The following NPLOC4 variants were observed in gnomAD, a reference collection of about 807,000 sequenced individuals.
The protein encoded by NPLOC4 is NPL4 homolog, ubiquitin recognition factor.
A neutral mutation model predicts 80.6 loss-of-function variants in NPLOC4; 18 were observed. That is an observed-to-expected ratio of 0.22 (90% CI 0.15 to 0.33). The LOEUF is 0.33. Ranked by LOEUF, NPLOC4 falls within the 10% of genes least tolerant of loss-of-function variation. The pLI is 1.00. For missense variants in NPLOC4, 540 were observed against 786.1 expected (o/e 0.69, Z 3.74); for synonymous variants, 313 against 301.5 (o/e 1.04, Z -0.39).
Position 81,558,419 on chromosome 17 carries a change from T to C in NPLOC4, c.*840A>G, listed in dbSNP as rs1246711242. On this transcript the variant is annotated 3_prime_UTR_variant, in exon 17 of 17. Coordinates refer to ENST00000331134, the MANE Select transcript of NPLOC4 (RefSeq NM_017921.4). Reference sequence around the variant, plus strand: ...AGTATCTGCAGTTGCTGCAGCTGTGTGGCTTGGTAGAAAAGTCTCAGGCAC... The same window carrying C: ...AGTATCTGCAGTTGCTGCAGCTGTGCGGCTTGGTAGAAAAGTCTCAGGCAC... 13 of 152,260 alleles carry C rather than the reference T, an allele frequency of 8.5e-5. No individual in the cohort carries two copies. The allele number at this position is 152,260 out of a possible 1,614,324, so 9.4% of individuals were successfully genotyped here.
chr17:81,597,311 G>A lies in NPLOC4; in HGVS notation c.927C>T (p.Gly309=), dbSNP rs1238270224. ...CTGAGACGAGGTCTGTAAATATCCA[G>A]CCAACCTTAAAAAAAGGAAAGTAGC... ...IAAKLGLRKV[G]WIFTDLVSED... is the part of the protein sequence containing the mutation. The change falls in exon 10 of 17, where the codon GGC becomes GGT. Residue 309 remains glycine, a synonymous_variant. Transcript: ENST00000331134. 1.9e-6 allele frequency: 3 copies of A among 1,612,902 alleles called. No homozygotes were observed. The highest frequency in any genetic ancestry group is 1.3e-5 in the African/African-American group (1 of 74,974).
chr17:81,604,848 G>A, intron 7 of NPLOC4, 121 bp from the exon 8 acceptor site: 1 of 856,910 alleles, frequency 1.2e-6, no homozygotes, highest in Non-Finnish European at 1.8e-6. Context: ...AAACCAATAG[G>A]GTGTGATGGT....
At chr17:81,581,579 A>G (rs1040633421) in intron 12 of NPLOC4, among the ~76,000 whole-genome samples, 2 of 152,166 alleles carry the variant, frequency 1.3e-5, no homozygotes, top group Admixed American at 1.3e-4. Context: ...AGGGGCAGCC[A>G]GTCCTCCACA....
At chr17:81,616,729 CAA>C (rs71166160) in intron 3 of NPLOC4, among the ~76,000 whole-genome samples, 88 of 142,884 alleles carry the variant, frequency 6.2e-4, no homozygotes, top group Admixed American at 6.9e-4. Flanking sequence ...GACTCCATCT[CAA>C]AAAAAAAAAA....
rs1423409115 is a variant in NPLOC4, at chr17:81,558,679, A to C, written c.*580T>G. The stretch of plus-strand genomic sequence containing the variant: ...TAAAATCCCACCTGGACATCGGGTG[A>C]GAGGAGGAGGGCAGGCAGCAAACCG... On this transcript the variant is annotated 3_prime_UTR_variant, in exon 17 of 17. Coordinates refer to ENST00000331134, the MANE Select transcript of NPLOC4 (RefSeq NM_017921.4). 6.6e-6 allele frequency: 1 copy of C among 152,346 alleles called. No individual in the cohort carries two copies. Among genetic ancestry groups the C allele is most frequent in the Non-Finnish European group, 1.5e-5 (1 of 68,152 alleles). 9.4% of individuals were successfully genotyped at this position (152,346 alleles called of 1,614,324 possible).
At chr17:81,634,791 G>T (rs1323058582) in intron 1 of NPLOC4, among the ~76,000 whole-genome samples, 3 of 151,842 alleles carry the variant, frequency 2.0e-5, no homozygotes, top group Admixed American at 2.0e-4. Context: ...CACCATGTTG[G>T]TCAGGCCAGT....
chr17:81,606,905 AAC>A (rs1444531803), intron 6 of NPLOC4, 91 bp from the exon 7 acceptor site: 4 of 1,250,278 alleles, frequency 3.2e-6, no homozygotes, highest in Non-Finnish European at 3.4e-6. Flanking sequence ...ATACCTCCTG[AAC>A]AGTGTCTCAG....
chr17:81,606,173 C>A (rs2035197962), intron 7 of NPLOC4, among the ~76,000 whole-genome samples: 1 of 151,918 alleles, frequency 6.6e-6, no homozygotes, highest in African/African-American at 2.4e-5. Context: ...AGGAGGTTTC[C>A]AAAAAAGTCG....
Position 81,618,506 on chromosome 17 carries a change from C to T in NPLOC4, c.209+3660G>A, listed in dbSNP as rs556824976. 4.9e-3 allele frequency among the ~76,000 whole-genome samples: 724 copies of T among 148,312 alleles called. 5 individuals carry two copies. The highest frequency in any genetic ancestry group is 0.017 in the African/African-American group (695 of 39,838). On this transcript the variant is annotated intron_variant, in intron 3 of 16. Coordinates refer to ENST00000331134, the MANE Select transcript of NPLOC4 (RefSeq NM_017921.4). ...AAGGTGGGGGGTCAGCGACCCCGCC[C>T]GGCCAGCCGCCCCGTCCGGGAGGGA...
chr17:81,630,552 G>A (rs925435043), intron 1 of NPLOC4, among the ~76,000 whole-genome samples: 17 of 152,148 alleles, frequency 1.1e-4, no homozygotes, highest in African/African-American at 4.1e-4. Context: ...ACAGGTGTGA[G>A]CCACAACGCC....
intron 11 of NPLOC4, among the ~76,000 whole-genome samples, chr17:81,591,104 G>A (rs911607906): frequency 1.3e-5 from 2 of 152,124 alleles, no homozygotes; most frequent in African/African-American, 4.8e-5. Context: ...AGAGCGCCGG[G>A]GAGCCACGGT....
intron 4 of NPLOC4, 47 bp from the exon 5 acceptor site, chr17:81,610,305 G>A (rs995725404): frequency 6.5e-7 from 1 of 1,526,724 alleles, no homozygotes; most frequent in Non-Finnish European, 8.9e-7. Flanking sequence ...GAGGATGTCT[G>A]TGTTCCGCTG....
At position 81,558,862 on chromosome 17, in the gene NPLOC4, G is replaced by A. The variant is rs559063257; in HGVS notation, c.*397C>T. On this transcript the variant is annotated 3_prime_UTR_variant, in exon 17 of 17. Transcript: ENST00000331134. ...GAGCTCCCAGCCAGAAAAACATGGG[G>A]GCAGGGAGGCCAAACAAAAAGCACT... The A allele has an allele frequency of 4.8e-4, 76 of 159,172 alleles. No individual in the cohort carries two copies. Among genetic ancestry groups the A allele is most frequent in the Middle Eastern group, 3.1e-3 (1 of 320 alleles). 9.9% of individuals were successfully genotyped at this position (159,172 alleles called of 1,614,324 possible).
chr17:81,615,710 G>A (rs771726552), intron 3 of NPLOC4, among the ~76,000 whole-genome samples: 5 of 152,186 alleles, frequency 3.3e-5, no homozygotes, highest in Non-Finnish European at 4.4e-5. Context: ...CCCAGAGGGG[G>A]CAGCTGAGTC....
At chr17:81,596,823 G>A (rs2034920516) in intron 10 of NPLOC4, among the ~76,000 whole-genome samples, 1 of 152,136 alleles carries the variant, frequency 6.6e-6, no homozygotes, top group African/African-American at 2.4e-5. Context: ...GAAAAATAAT[G>A]GGGCCTGAGG....
At chr17:81,592,766 T>C (rs1171912632) in intron 11 of NPLOC4, among the ~76,000 whole-genome samples, 1 of 152,118 alleles carries the variant, frequency 6.6e-6, no homozygotes, top group African/African-American at 2.4e-5. Context: ...GGCGGATCAC[T>C]TGAGGCCAGA....
intron 3 of NPLOC4, 128 bp from the exon 4 acceptor site, chr17:81,613,622 T>C: frequency 5.2e-6 from 4 of 773,104 alleles, no homozygotes; most frequent in Non-Finnish European, 6.1e-6. Flanking sequence ...GGTTTCTAAC[T>C]TTTAAGATGA....
In NPLOC4 at chr17:81,558,702, C is replaced by T. The variant is rs192624898; in HGVS notation, c.*557G>A. On this transcript the variant is annotated 3_prime_UTR_variant, in exon 17 of 17. Coordinates refer to ENST00000331134, the MANE Select transcript of NPLOC4 (RefSeq NM_017921.4). Reference sequence around the variant, plus strand: ...TGAGAGGAGGAGGGCAGGCAGCAAACCGACCTGCAGACCTGCAGAGGGGAG... The same window carrying T: ...TGAGAGGAGGAGGGCAGGCAGCAAATCGACCTGCAGACCTGCAGAGGGGAG... The T allele has an allele frequency of 6.6e-6, 1 of 152,412 alleles. No individual in the cohort carries two copies. Among genetic ancestry groups the T allele is most frequent in the African/African-American group, 2.4e-5 (1 of 41,548 alleles). The allele number at this position is 152,412 out of a possible 1,614,324, so 9.4% of individuals were successfully genotyped here. A position where few individuals can be genotyped will look rare whatever the true frequency, so the allele number is the denominator to read the frequency against.
chr17:81,557,084 A>G lies in NPLOC4; in HGVS notation c.*2175T>C, dbSNP rs908601012. 7.9e-5 allele frequency: 12 copies of G among 152,246 alleles called. No homozygotes were observed. The highest frequency in any genetic ancestry group is 2.9e-4 in the African/African-American group (12 of 41,436). 9.4% of individuals were successfully genotyped at this position (152,246 alleles called of 1,614,324 possible). ...CAGGAGACTGGCAGCCGCTGTGTTC[A>G]CCTGGGCAGGTGTGCACCCAGTCAC... On this transcript the variant is annotated 3_prime_UTR_variant, in exon 17 of 17. Transcript: ENST00000331134.
Sources: allele counts gnomAD v4.1 joint callset (sites outside exome capture counted in the v4.1 genomes callset), GRCh38; gene constraint gnomAD v4.1.1; transcripts MANE v1.5; gene names NCBI Gene and HGNC (gene_info 2026-07-23, HGNC 2026-07-21).